The following PRKAG2 variants were observed in gnomAD, a reference collection of about 807,000 sequenced individuals.
PRKAG2 encodes protein kinase AMP-activated non-catalytic subunit gamma 2.
PRKAG2 carries 26 observed loss-of-function variants against 69.6 expected under a neutral mutation model. That is an observed-to-expected ratio of 0.37 (90% CI 0.27 to 0.52). PRKAG2 has a LOEUF of 0.52. Ranked by LOEUF, PRKAG2 falls within the 20% of genes least tolerant of loss-of-function variation. The probability of loss-of-function intolerance (pLI) is 0.90; values close to 1 mark genes in which losing one functional copy is unlikely to be tolerated. For missense variants in PRKAG2, 557 were observed against 740.0 expected (o/e 0.75, Z 2.87); for synonymous variants, 293 against 285.0 (o/e 1.03, Z -0.28).
chr7:151,824,732 G>A (rs535974475), intron 1 of PRKAG2, among the ~76,000 whole-genome samples: 2 of 152,192 alleles, frequency 1.3e-5, no homozygotes, highest in Admixed American at 6.5e-5. Context: ...CCCAGCTGTC[G>A]GTGATGCATG....
intron 3 of PRKAG2, chr7:151,735,840 GC>G (rs1799693139): frequency 6.5e-7 from 1 of 1,531,882 alleles, no homozygotes; most frequent in Non-Finnish European, 8.7e-7. Context: ...GTGCACACAC[GC>G]CGTGGGGTTC....
intron 3 of PRKAG2, among the ~76,000 whole-genome samples, chr7:151,677,140 T>C (rs1413627368): frequency 2.0e-5 from 3 of 152,220 alleles, no homozygotes; most frequent in Admixed American, 2.0e-4. Flanking sequence ...ATGGATTGTG[T>C]TCTAAGAGAA....
At chr7:151,864,490 G>GGGA (rs556144438) in intron 1 of PRKAG2, among the ~76,000 whole-genome samples, 108 of 152,300 alleles carry the variant, frequency 7.1e-4, no homozygotes, top group African/African-American at 2.6e-3. Flanking sequence ...AACCCTAGAG[G>GGGA]GGAGGTCTCC....
At chr7:151,730,997 G>A (rs1798840441) in intron 3 of PRKAG2, among the ~76,000 whole-genome samples, 1 of 152,170 alleles carries the variant, frequency 6.6e-6, no homozygotes, top group Non-Finnish European at 1.5e-5. Flanking sequence ...CACACCGCTT[G>A]GACTCCTGGC....
chr7:151,729,561 G>A (rs868297295), intron 3 of PRKAG2, among the ~76,000 whole-genome samples: 3 of 152,004 alleles, frequency 2.0e-5, no homozygotes, highest in Non-Finnish European at 4.4e-5. Context: ...TTAGCCCATC[G>A]GTGCTCAAGA....
chr7:151,628,058 G>GAGACAGTCAGTCTGGCA (rs1823447989), intron 5 of PRKAG2, among the ~76,000 whole-genome samples: 1 of 152,212 alleles, frequency 6.6e-6, no homozygotes, highest in Non-Finnish European at 1.5e-5. Flanking sequence ...AGGAAGAGGA[G>GAGACAGTCAGTCTGGCA]AGACAGTCAG....
intron 13 of PRKAG2, 63 bp from the exon 14 acceptor site, chr7:151,564,287 T>C: frequency 1.3e-6 from 2 of 1,572,154 alleles, no homozygotes. Flanking sequence ...TGACCAAAAT[T>C]AGTGAGCTTA....
chr7:151,803,342 A>G (rs2077940498), intron 1 of PRKAG2, among the ~76,000 whole-genome samples: 1 of 152,174 alleles, frequency 6.6e-6, no homozygotes, highest in Non-Finnish European at 1.5e-5. Context: ...TTGTATAGGA[A>G]TTTAAGGCGA....
At chr7:151,822,142 A>G (rs574628112) in intron 1 of PRKAG2, among the ~76,000 whole-genome samples, 3 of 152,332 alleles carry the variant, frequency 2.0e-5, no homozygotes, top group Non-Finnish European at 4.4e-5. Flanking sequence ...GAAATGGCAG[A>G]AAGTAAATAA....
At chr7:151,680,896 C>T (rs1833787183) in intron 3 of PRKAG2, among the ~76,000 whole-genome samples, 1 of 152,206 alleles carries the variant, frequency 6.6e-6, no homozygotes, top group South Asian at 2.1e-4. Flanking sequence ...GAAGTTTTTC[C>T]ACTTCCAACA....
At chr7:151,837,831 C>T (rs548787136) in intron 1 of PRKAG2, among the ~76,000 whole-genome samples, 5 of 152,334 alleles carry the variant, frequency 3.3e-5, no homozygotes, top group African/African-American at 1.2e-4. Flanking sequence ...TTACTTCCTA[C>T]AGCTAATCCA....
rs7782885 is a variant in PRKAG2 at position 151,686,357 on chromosome 7, T to C, written c.467-10720A>G. Among the ~76,000 whole-genome samples, 280 of 152,322 alleles carry C rather than the reference T, an allele frequency of 1.8e-3. 3 individuals are homozygous for C. Among genetic ancestry groups the C allele is most frequent in the African/African-American group, 6.6e-3 (275 of 41,568 alleles). On this transcript the variant is annotated intron_variant, in intron 3 of 15. Coordinates refer to ENST00000287878, the MANE Select transcript of PRKAG2 (RefSeq NM_016203.4). ...TTAGTTCCCATTCTTTATGGTCATG[T>C]GGTCCGAGTGCCTCCATCCTGTCTC...
intron 4 of PRKAG2, among the ~76,000 whole-genome samples, chr7:151,656,081 T>C (rs73481928): frequency 0.016 from 2,395 of 152,318 alleles, 57 homozygotes; most frequent in African/African-American, 0.054. Context: ...ACCTGAAACC[T>C]GAGTAGCACT....
At chr7:151,852,863 G>T (rs2079609275) in intron 1 of PRKAG2, among the ~76,000 whole-genome samples, 1 of 152,194 alleles carries the variant, frequency 6.6e-6, no homozygotes, top group African/African-American at 2.4e-5. Flanking sequence ...CTATCTCACA[G>T]CCTGCACGGC....
chr7:151,845,055 T>G (rs1344720834), intron 1 of PRKAG2, among the ~76,000 whole-genome samples: 1 of 149,992 alleles, frequency 6.7e-6, no homozygotes, highest in Non-Finnish European at 1.5e-5. Context: ...ACAAGGGTGC[T>G]GGGAGACATC....
chr7:151,785,701 T>C (rs1250129581), intron 2 of PRKAG2, among the ~76,000 whole-genome samples: 2 of 152,202 alleles, frequency 1.3e-5, no homozygotes, highest in Non-Finnish European at 2.9e-5. Context: ...GAGGGGTCTG[T>C]GGGTGGCAGA....
At chr7:151,588,760 T>C (rs1585072277) in intron 6 of PRKAG2, among the ~76,000 whole-genome samples, 2 of 152,182 alleles carry the variant, frequency 1.3e-5, no homozygotes, top group Admixed American at 6.5e-5. Flanking sequence ...TCCACCATGA[T>C]TGTGAGGCCT....
chr7:151,651,844 T>C (rs1426722647), intron 4 of PRKAG2, among the ~76,000 whole-genome samples: 3 of 151,774 alleles, frequency 2.0e-5, no homozygotes, highest in South Asian at 2.1e-4. Flanking sequence ...TTGTAGATTA[T>C]AAACAGTGAA....
chr7:151,736,190 T>TC, intron 3 of PRKAG2: 1 of 1,417,998 alleles, frequency 7.1e-7, no homozygotes, highest in Non-Finnish European at 9.2e-7. Flanking sequence ...CAGGGCGACC[T>TC]CACCGCAGCC....
Sources: gnomAD v4.1 joint callset for allele counts (sites outside exome capture counted in the v4.1 genomes callset) on GRCh38, gnomAD v4.1.1 for gene constraint, MANE v1.5 for transcripts, NCBI Gene and HGNC (gene_info 2026-07-23, HGNC 2026-07-21) for gene names.